SCARA3: variants seen among roughly 807,000 people sequenced by gnomAD.
SCARA3 encodes the protein cellular stress response gene protein.
A neutral mutation model predicts 47.0 loss-of-function variants in SCARA3; 39 were observed. The ratio of observed to expected loss-of-function variants is 0.83; its 90% confidence interval spans 0.64 to 1.08. The LOEUF is 1.08. Among genes scored for constraint, SCARA3 ranks in the 50% least tolerant of loss-of-function variants. The probability of loss-of-function intolerance (pLI) is 0.00; values close to 1 mark genes in which losing one functional copy is unlikely to be tolerated. For missense variants in SCARA3, 724 were observed against 792.3 expected (o/e 0.91, Z 1.04); for synonymous variants, 356 against 334.1 (o/e 1.07, Z -0.71).
rs1472944773 is a variant in SCARA3 at position 27,659,530 on chromosome 8, A to G, written c.1360A>G (p.Ile454Val). 1.2e-6 allele frequency: 2 copies of G among 1,605,880 alleles called. No homozygotes were observed. Among genetic ancestry groups the G allele is most frequent in the African/African-American group, 2.7e-5 (2 of 74,816 alleles). Residue 454 changes from isoleucine to valine, a missense_variant, in exon 5 of 6, where the codon ATC (isoleucine) becomes GTC (valine). Physicochemically the swap from Ile to Val is conservative, Grantham distance 29. Coordinates refer to ENST00000301904, the MANE Select transcript of SCARA3 (RefSeq NM_016240.3). ...QHGEILRNVT[I>V]LRGAPGPPGP... ...TGGAGAAATCCTTCGCAATGTCACC[A>G]TCCTACGAGGTAAGAGCTGGGTCCA...
chr8:27,709,067 C>A, the SCARA3 span, among the ~76,000 whole-genome samples: 6 of 152,258 alleles, frequency 3.9e-5, no homozygotes, highest in Non-Finnish European at 8.8e-5. Flanking sequence ...AGAATATGTC[C>A]TCGAGAAATG....
the SCARA3 span, among the ~76,000 whole-genome samples, chr8:27,693,759 C>T: frequency 3.9e-5 from 6 of 152,174 alleles, no homozygotes; most frequent in African/African-American, 1.2e-4. Flanking sequence ...GCTTGATCTG[C>T]ATGATAAAAA....
the SCARA3 span, among the ~76,000 whole-genome samples, chr8:27,710,157 G>A: frequency 6.6e-6 from 1 of 151,576 alleles, no homozygotes; most frequent in Non-Finnish European, 1.5e-5. Flanking sequence ...TTGAACCTGG[G>A]AGGCAGAGGC....
upstream of SCARA3, among the ~76,000 whole-genome samples, chr8:27,633,589 G>C (rs1451164488): frequency 6.7e-6 from 1 of 149,812 alleles, no homozygotes; most frequent in African/African-American, 2.4e-5. Context: ...AGATCAAGGA[G>C]CTCTCCCGGT....
At chr8:27,640,473 C>A (rs758976290) in intron 1 of SCARA3, among the ~76,000 whole-genome samples, 8 of 152,082 alleles carry the variant, frequency 5.3e-5, no homozygotes, top group Non-Finnish European at 1.0e-4. Context: ...GCAGCCTTGA[C>A]CTCCTGGGCT....
intron 5 of SCARA3, among the ~76,000 whole-genome samples, chr8:27,660,759 GGAGA>G (rs139366498): frequency 2.0e-5 from 3 of 150,570 alleles, no homozygotes; most frequent in East Asian, 2.0e-4. Flanking sequence ...AATCAATAAT[GGAGA>G]GAGAGAGAGG....
rs757620935 is a variant in SCARA3 at position 27,659,316 on chromosome 8, GCT to G, written c.1150_1151del (p.Ser384LeufsTer198). 1.9e-6 allele frequency: 3 copies of G among 1,613,898 alleles called. No homozygotes were observed. Among genetic ancestry groups the G allele is most frequent in the Non-Finnish European group, 2.5e-6 (3 of 1,180,014 alleles). On this transcript the variant is annotated frameshift_variant, in exon 5 of 6. Coordinates refer to ENST00000301904, the MANE Select transcript of SCARA3 (RefSeq NM_016240.3). LOFTEE classifies it high-confidence loss of function. The stretch of plus-strand genomic sequence containing the variant: ...TGCTCAAGTACCTGGATGACGTGCG[GCT>G]CTCCTGCACGCTGGGCTTCCACACC... ...SMLKYLDDVRLSCTLGFHTHA... is the reference protein window; with the variant it reads ...SMLKYLDDVRXSCTLGFHTHA...
At chr8:27,682,260 T>C in the SCARA3 span, among the ~76,000 whole-genome samples, 1 of 152,176 alleles carries the variant, frequency 6.6e-6, no homozygotes, top group African/African-American at 2.4e-5. Context: ...CCTCATCATA[T>C]ACACAAAAAT....
At chr8:27,709,812 A>G in the SCARA3 span, among the ~76,000 whole-genome samples, 3 of 152,044 alleles carry the variant, frequency 2.0e-5, no homozygotes, top group African/African-American at 7.2e-5. Flanking sequence ...GATGCCACCC[A>G]CTATCCCCAC....
chr8:27,637,114 A>G (rs1289537688), intron 1 of SCARA3, among the ~76,000 whole-genome samples: 1 of 152,250 alleles, frequency 6.6e-6, no homozygotes, highest in Non-Finnish European at 1.5e-5. Context: ...GGTGATCAAG[A>G]AAACACGCTA....
At position 27,659,877 on chromosome 8, in the gene SCARA3, AGAGAG is replaced by A. The variant is rs796446068; in HGVS notation, c.1369+339_1369+343del. On this transcript the variant is annotated intron_variant, in intron 5 of 5. Transcript: ENST00000301904. ...AAAAAAAAAAAAAAAAAAAAAAAAAAGAGAGAGAGAGAGAAAAGAAAAAAGGAAAA... is the reference window on the plus strand; with the variant it reads ...AAAAAAAAAAAAAAAAAAAAAAAAAAAGAGAGAGAAAAGAAAAAAGGAAAA... Among the ~76,000 whole-genome samples, 73 of 68,342 alleles carry A rather than the reference AGAGAG, an allele frequency of 1.1e-3. 1 individual carries two copies. The highest frequency in any genetic ancestry group is 2.7e-3 in the African/African-American group (66 of 24,768). The allele number at this position is 68,342 out of a possible 152,430, so 44.8% of individuals were successfully genotyped here.
chr8:27,649,881 G>T, intron 2 of SCARA3, 81 bp downstream of exon 2: 4 of 1,255,018 alleles, frequency 3.2e-6, no homozygotes, highest in Non-Finnish European at 4.5e-6. Flanking sequence ...TGAGAGATTT[G>T]TCTCTTTAGG....
the SCARA3 span, among the ~76,000 whole-genome samples, chr8:27,718,251 T>C: frequency 6.6e-6 from 1 of 152,378 alleles, no homozygotes; most frequent in Admixed American, 6.5e-5. Flanking sequence ...CTCTGTCCTC[T>C]GGTGACTGGA....
chr8:27,720,153 G>C, the SCARA3 span, among the ~76,000 whole-genome samples: 5 of 151,404 alleles, frequency 3.3e-5, no homozygotes, highest in South Asian at 1.1e-3. Flanking sequence ...GTGCTTCAAG[G>C]CTGGGTGCTC....
chr8:27,648,897 GAAGGAAAGGA>G (rs35572827), intron 1 of SCARA3, among the ~76,000 whole-genome samples: 2 of 147,562 alleles, frequency 1.4e-5, no homozygotes, highest in African/African-American at 5.0e-5. Context: ...AGGAAGGAAT[GAAGGAAAGGA>G]AAGGAAAGGA....
the SCARA3 span, among the ~76,000 whole-genome samples, chr8:27,694,667 C>G: frequency 6.6e-6 from 1 of 152,214 alleles, no homozygotes; most frequent in Admixed American, 6.5e-5. Flanking sequence ...CTCTGATCAG[C>G]AAGGAGCTTA....
chr8:27,651,167 C>T (rs1395353904), intron 2 of SCARA3, among the ~76,000 whole-genome samples: 1 of 152,244 alleles, frequency 6.6e-6, no homozygotes, highest in East Asian at 1.9e-4. Context: ...CTCAGTGGGG[C>T]CTCAGGCTGG....
At chr8:27,652,102 G>A (rs1463363583) in intron 3 of SCARA3, among the ~76,000 whole-genome samples, 1 of 152,216 alleles carries the variant, frequency 6.6e-6, no homozygotes, top group African/African-American at 2.4e-5. Flanking sequence ...ATGCCTACCT[G>A]CAGCAATTTC....
chr8:27,669,276 G>T (rs1802090963), intron 5 of SCARA3, among the ~76,000 whole-genome samples: 1 of 152,262 alleles, frequency 6.6e-6, no homozygotes, highest in African/African-American at 2.4e-5. Flanking sequence ...GAACAGGGTT[G>T]CCAGCATTGC....
Sources: gnomAD v4.1 joint callset for allele counts (sites outside exome capture counted in the v4.1 genomes callset) on GRCh38, gnomAD v4.1.1 for gene constraint, MANE v1.5 for transcripts, NCBI Gene and HGNC (gene_info 2026-07-23, HGNC 2026-07-21) for gene names.